RABGEF1: variants seen among roughly 807,000 people sequenced by gnomAD.
RABGEF1 encodes rab5 GDP/GTP exchange factor.
Under a neutral mutation model 57.3 loss-of-function variants are expected in RABGEF1, and 26 were observed. That is an observed-to-expected ratio of 0.45 (90% CI 0.33 to 0.63). The LOEUF is 0.63. Among genes scored for constraint, RABGEF1 ranks in the 20% least tolerant of loss-of-function variants. The probability of loss-of-function intolerance (pLI) is 0.02; values close to 1 mark genes in which losing one functional copy is unlikely to be tolerated. For synonymous variants in RABGEF1, 185 were observed against 210.7 expected (o/e 0.88, Z 1.06); for missense variants, 464 against 607.6 (o/e 0.76, Z 2.48).
At chr7:66,711,439 A>G (rs1371568700) in intron 1 of RABGEF1, among the ~76,000 whole-genome samples, 1 of 146,778 alleles carries the variant, frequency 6.8e-6, no homozygotes, top group Non-Finnish European at 1.5e-5. Flanking sequence ...CTGTGAGGTT[A>G]GGTTGAAGTT....
Position 66,793,305 on chromosome 7 carries a change from G to A in RABGEF1, c.514-2206G>A, listed in dbSNP as rs1813164440. ...CACAGAATTCATTTGTTGAATATAT[G>A]CCTTACATACATAGCCTGAAGGTAA... On this transcript the variant is annotated intron_variant, in intron 4 of 8. Transcript: ENST00000284957. 2.0e-5 allele frequency among the ~76,000 whole-genome samples: 3 copies of A among 152,284 alleles called. No homozygotes were observed. In the South Asian group the frequency reaches 6.2e-4, roughly 32 times the overall value.
chr7:66,730,431 G>A (rs558707504), intron 2 of RABGEF1, among the ~76,000 whole-genome samples: 2 of 152,280 alleles, frequency 1.3e-5, no homozygotes, highest in South Asian at 4.1e-4. Context: ...TTGCTCTGTT[G>A]CCCAGGCTAG....
At chr7:66,664,306 G>A in the RABGEF1 span, among the ~76,000 whole-genome samples, 2 of 151,464 alleles carry the variant, frequency 1.3e-5, no homozygotes, top group African/African-American at 2.4e-5. Flanking sequence ...TGGGCCAGGC[G>A]CAGTGACTGA....
At chr7:66,695,977 TAA>T (rs1215004072) in intron 1 of RABGEF1, among the ~76,000 whole-genome samples, 1 of 148,352 alleles carries the variant, frequency 6.7e-6, no homozygotes, top group African/African-American at 2.5e-5. Flanking sequence ...AAAAAAAAAA[TAA>T]AGTGTAGATG....
At chr7:66,728,761 G>T (rs201493826) in intron 2 of RABGEF1, among the ~76,000 whole-genome samples, 71 of 1,472 alleles carry the variant, frequency 0.048, no homozygotes, top group African/African-American at 0.067. Flanking sequence ...GACCCTCACC[G>T]CCATCCTCAC....
At chr7:66,758,453 C>G (rs974833919) in intron 1 of RABGEF1, among the ~76,000 whole-genome samples, 32 of 152,164 alleles carry the variant, frequency 2.1e-4, no homozygotes, top group African/African-American at 7.7e-4. Context: ...ATTCTTTATG[C>G]CCAGGTTGCT....
intron 1 of RABGEF1, among the ~76,000 whole-genome samples, chr7:66,695,078 G>A (rs539055556): frequency 6.6e-6 from 1 of 152,232 alleles, no homozygotes; most frequent in African/African-American, 2.4e-5. Context: ...TTGGGAGGCC[G>A]AGGCGGGCGG....
upstream of RABGEF1, chr7:66,740,289 C>T (rs959090423): frequency 6.6e-6 from 1 of 152,278 alleles, no homozygotes; most frequent in Admixed American, 6.5e-5. Flanking sequence ...AACTCGAACA[C>T]CTGTCACATC....
chr7:66,713,264 C>G (rs997443335), intron 2 of RABGEF1, among the ~76,000 whole-genome samples: 1 of 151,856 alleles, frequency 6.6e-6, no homozygotes, highest in Non-Finnish European at 1.5e-5. Context: ...GCCTCAGCCT[C>G]CCGAGTAGGT....
chr7:66,699,850 C>T lies in RABGEF1; in HGVS notation c.-872-12317C>T, dbSNP rs115289065. Among the ~76,000 whole-genome samples, 343 of 152,206 alleles carry T rather than the reference C, an allele frequency of 2.3e-3. 2 individuals carry two copies. Among genetic ancestry groups the T allele is most frequent in the African/African-American group, 8.1e-3 (335 of 41,510 alleles). ...CCTGAGTGACAGAGAGAGACCCTGT[C>T]TCAAAAATAAAATAAAAATAAAATG... On this transcript the variant is annotated intron_variant and NMD_transcript_variant, in intron 1 of 9. Coordinates refer to the RABGEF1 transcript ENST00000607882.
At chr7:66,725,548 A>G (rs1241124181) in intron 2 of RABGEF1, among the ~76,000 whole-genome samples, 1 of 152,218 alleles carries the variant, frequency 6.6e-6, no homozygotes, top group African/African-American at 2.4e-5. Context: ...ATAACATTAC[A>G]TAGTATGGCT....
At chr7:66,719,355 A>G (rs1230849198) in intron 2 of RABGEF1, among the ~76,000 whole-genome samples, 3 of 152,138 alleles carry the variant, frequency 2.0e-5, no homozygotes, top group Non-Finnish European at 2.9e-5. Flanking sequence ...GGTGCACGCC[A>G]CCAAGCCCAG....
intron 7 of RABGEF1, among the ~76,000 whole-genome samples, chr7:66,800,580 C>A (rs1787063172): frequency 6.6e-6 from 1 of 152,128 alleles, no homozygotes; most frequent in Non-Finnish European, 1.5e-5. Flanking sequence ...ACTACTCTGC[C>A]CCCCGCACCT....
chr7:66,793,290 A>G (rs1813160220), intron 4 of RABGEF1, among the ~76,000 whole-genome samples: 1 of 152,192 alleles, frequency 6.6e-6, no homozygotes, highest in Non-Finnish European at 1.5e-5. Context: ...CACAGAATTC[A>G]TTTGTTGAAT....
intron 1 of RABGEF1, among the ~76,000 whole-genome samples, chr7:66,688,749 G>T (rs1458281607): frequency 6.6e-6 from 1 of 152,192 alleles, no homozygotes; most frequent in South Asian, 2.1e-4. Context: ...TTTATGGGAT[G>T]CAGTTAAAGC....
chr7:66,748,612 G>T (rs1237586785), intron 1 of RABGEF1, among the ~76,000 whole-genome samples: 1 of 152,030 alleles, frequency 6.6e-6, no homozygotes, highest in Admixed American at 6.5e-5. Flanking sequence ...AAATCATAAC[G>T]GCTAGTTCAA....
intron 1 of RABGEF1, among the ~76,000 whole-genome samples, chr7:66,698,406 GAGTC>G (rs1230277001): frequency 3.3e-5 from 5 of 150,948 alleles, no homozygotes; most frequent in South Asian, 2.1e-4. Flanking sequence ...CCACGAAAGA[GAGTC>G]AGAGGAGAGT....
chr7:66,701,400 G>A (rs749099647), intron 1 of RABGEF1, among the ~76,000 whole-genome samples: 2 of 152,114 alleles, frequency 1.3e-5, no homozygotes, highest in Admixed American at 6.6e-5. Flanking sequence ...TACTAGGGAG[G>A]CTGAGATGGG....
At chr7:66,696,583 G>A (rs1363264924) in intron 1 of RABGEF1, among the ~76,000 whole-genome samples, 1 of 151,794 alleles carries the variant, frequency 6.6e-6, no homozygotes, top group Non-Finnish European at 1.5e-5. Flanking sequence ...CCAGCTATTT[G>A]GGAGGCTGAG....
Sources: gnomAD v4.1 joint callset for allele counts (sites outside exome capture counted in the v4.1 genomes callset) on GRCh38, gnomAD v4.1.1 for gene constraint, MANE v1.5 for transcripts, NCBI Gene and HGNC (gene_info 2026-07-23, HGNC 2026-07-21) for gene names.